The following ISM1 variants were observed in gnomAD, a reference collection of about 807,000 sequenced individuals.
The protein encoded by ISM1 is isthmin-1.
A neutral mutation model predicts 46.3 loss-of-function variants in ISM1; 25 were observed. The observed-to-expected ratio is 0.54, with a 90% CI of 0.39 to 0.75. ISM1 has a LOEUF of 0.75. Among genes scored for constraint, ISM1 ranks in the 30% least tolerant of loss-of-function variants. The pLI is 0.00. For missense variants in ISM1, 536 were observed against 625.4 expected (o/e 0.86, Z 1.52); for synonymous variants, 255 against 256.7 (o/e 0.99, Z 0.06).
At chr20:13,264,144 A>T (rs1403849293) in intron 1 of ISM1, among the ~76,000 whole-genome samples, 2 of 152,160 alleles carry the variant, frequency 1.3e-5, no homozygotes, top group Non-Finnish European at 2.9e-5. Context: ...TGGGGGAAGG[A>T]GGAGGGAGTT....
intron 1 of ISM1, among the ~76,000 whole-genome samples, chr20:13,226,805 C>T (rs1475310411): frequency 6.6e-6 from 1 of 152,100 alleles, no homozygotes; most frequent in African/African-American, 2.4e-5. Context: ...GTTTGCACAA[C>T]TTCATTTCAG....
At chr20:13,319,088 G>A in the ISM1 span, among the ~76,000 whole-genome samples, 18,109 of 152,150 alleles carry the variant, frequency 0.12, 1,528 homozygotes, top group Non-Finnish European at 0.18. Context: ...GGAAGATGTC[G>A]ATAGTCAGAG....
intron 1 of ISM1, among the ~76,000 whole-genome samples, chr20:13,250,675 G>C (rs1400538783): frequency 1.3e-5 from 2 of 152,328 alleles, no homozygotes; most frequent in East Asian, 3.9e-4. Flanking sequence ...TGGATTGTAA[G>C]CTCCATGAGG....
chr20:13,243,399 CCT>C (rs926605014), intron 1 of ISM1, among the ~76,000 whole-genome samples: 1 of 152,118 alleles, frequency 6.6e-6, no homozygotes, highest in African/African-American at 2.4e-5. Flanking sequence ...AAATGTATTC[CCT>C]GATAAGGGTT....
chr20:13,306,564 C>CAAAAAAAAAAAAAAAAAAAAA, the ISM1 span, among the ~76,000 whole-genome samples: 11 of 63,902 alleles, frequency 1.7e-4, no homozygotes, highest in East Asian at 5.3e-4. Context: ...GGAGAAAGGA[C>CAAAAAAAAAAAAAAAAAAAAA]AAAAAAAAAA....
At chr20:13,325,338 C>T in the ISM1 span, among the ~76,000 whole-genome samples, 2 of 152,222 alleles carry the variant, frequency 1.3e-5, no homozygotes, top group Non-Finnish European at 2.9e-5. Context: ...GTGCCAACCT[C>T]GTGCTTAAGA....
chr20:13,326,471 G>A, the ISM1 span, among the ~76,000 whole-genome samples: 9 of 152,238 alleles, frequency 5.9e-5, no homozygotes, highest in African/African-American at 2.2e-4. Context: ...GCATCAATAT[G>A]TGAGTGTTCC....
At chr20:13,281,923 T>C (rs1280684355) in intron 3 of ISM1, among the ~76,000 whole-genome samples, 1 of 152,172 alleles carries the variant, frequency 6.6e-6, no homozygotes, top group Non-Finnish European at 1.5e-5. Flanking sequence ...CCCTTCCTTA[T>C]GTACCAGTAG....
chr20:13,286,606 C>T (rs896953777), intron 3 of ISM1, among the ~76,000 whole-genome samples: 3 of 152,234 alleles, frequency 2.0e-5, no homozygotes, highest in East Asian at 3.9e-4. Context: ...AAGATGGGAG[C>T]AAGCTCTCCA....
chr20:13,253,319 A>G (rs1374346816), intron 1 of ISM1, among the ~76,000 whole-genome samples: 1 of 150,592 alleles, frequency 6.6e-6, no homozygotes. Context: ...TCACGGTGTT[A>G]TCATAGGGGC....
intron 5 of ISM1, among the ~76,000 whole-genome samples, chr20:13,296,476 G>A (rs149360972): frequency 2.6e-5 from 4 of 152,332 alleles, no homozygotes; most frequent in East Asian, 3.9e-4. Flanking sequence ...TGGGATGAAC[G>A]CTGTGACCAT....
intron 2 of ISM1, among the ~76,000 whole-genome samples, chr20:13,275,316 G>A (rs2040166122): frequency 6.6e-6 from 1 of 152,120 alleles, no homozygotes; most frequent in Non-Finnish European, 1.5e-5. Context: ...GGTTACAGTT[G>A]TACGTGCTTC....
At chr20:13,225,524 T>C (rs1238891708) in intron 1 of ISM1, among the ~76,000 whole-genome samples, 1 of 152,198 alleles carries the variant, frequency 6.6e-6, no homozygotes, top group African/African-American at 2.4e-5. Context: ...AGGGGTTACA[T>C]TTTTGACTCT....
chr20:13,288,526 T>C lies in ISM1; in HGVS notation c.644-14T>C. On this transcript the variant is annotated splice_polypyrimidine_tract_variant and intron_variant, in intron 3 of 5. Coordinates refer to ENST00000262487, the MANE Select transcript of ISM1 (RefSeq NM_080826.2). ...TGGCCAAAGTTGATGACCATCTCCC[T>C]GGCTGTCTTCCAGATTCCACAGATG... 6.2e-7 allele frequency: 1 copy of C among 1,612,810 alleles called. No homozygotes were observed. The highest frequency in any genetic ancestry group is 8.5e-7 in the Non-Finnish European group (1 of 1,179,036).
chr20:13,268,402 C>A (rs1445909264), intron 1 of ISM1, among the ~76,000 whole-genome samples: 3 of 111,304 alleles, frequency 2.7e-5, no homozygotes, highest in Non-Finnish European at 3.5e-5. Context: ...CTCTCTCTCT[C>A]TCCATGCTAG....
At chr20:13,256,776 C>T (rs2039934315) in intron 1 of ISM1, among the ~76,000 whole-genome samples, 1 of 152,186 alleles carries the variant, frequency 6.6e-6, no homozygotes, top group South Asian at 2.1e-4. Flanking sequence ...GATTCCAAAC[C>T]TCAGTTTTCT....
the ISM1 span, among the ~76,000 whole-genome samples, chr20:13,321,883 T>A: frequency 6.6e-6 from 1 of 152,218 alleles, no homozygotes; most frequent in Non-Finnish European, 1.5e-5. Flanking sequence ...GACTCCCTAA[T>A]TGGCTGCATG....
intron 1 of ISM1, among the ~76,000 whole-genome samples, chr20:13,263,085 C>T (rs1276761017): frequency 2.6e-5 from 4 of 152,150 alleles, no homozygotes; most frequent in Admixed American, 2.0e-4. Context: ...CTGAAGCATA[C>T]GTATGGCCGT....
intron 1 of ISM1, chr20:13,239,044 C>T (rs1161944367): frequency 6.6e-6 from 1 of 152,154 alleles, no homozygotes; most frequent in African/African-American, 2.4e-5. Context: ...GCACAACATG[C>T]AATTCCGAAG....
Sources: gnomAD v4.1 joint callset for allele counts (sites outside exome capture counted in the v4.1 genomes callset) on GRCh38, gnomAD v4.1.1 for gene constraint, MANE v1.5 for transcripts, NCBI Gene and HGNC (gene_info 2026-07-23, HGNC 2026-07-21) for gene names.